Variants in SARNP observed in about 807,000 individuals in gnomAD.
SARNP encodes the protein SAP domain-containing ribonucleoprotein.
SARNP carries 5 observed loss-of-function variants against 38.1 expected under a neutral mutation model. The observed-to-expected ratio is 0.13, with a 90% confidence interval of 0.07 to 0.28. The LOEUF (loss-of-function observed/expected upper bound fraction) is 0.28. SARNP is among the 10% of genes least tolerant of loss of function. The pLI, the probability that SARNP is intolerant of heterozygous loss-of-function variation, is 1.00. For synonymous variants in SARNP, 84 were observed against 80.6 expected (o/e 1.04, Z -0.23); for missense variants, 180 against 243.9 (o/e 0.74, Z 1.75).
chr12:55,805,959 C>A (rs966539775), intron 1 of SARNP, among the ~76,000 whole-genome samples: 1 of 151,932 alleles, frequency 6.6e-6, no homozygotes, highest in African/African-American at 2.4e-5. Flanking sequence ...ACAGCTTGAA[C>A]CTGGGACGCA....
intron 9 of SARNP, among the ~76,000 whole-genome samples, chr12:55,766,616 C>CGGGGGG (rs58583137): frequency 1.8e-4 from 7 of 38,106 alleles, no homozygotes; most frequent in Admixed American, 4.7e-4. Flanking sequence ...GTTTTTTTGG[C>CGGGGGG]GGGGGGGGGG....
intron 2 of SARNP, 82 bp downstream of exon 2, chr12:55,803,547 G>GAA (rs548860817): frequency 2.2e-3 from 1,467 of 664,258 alleles, no homozygotes; most frequent in Non-Finnish European, 2.7e-3. Context: ...CTAATGACCT[G>GAA]AAAAAAAAAA....
chr12:55,780,119 G>C (rs1879297557), intron 9 of SARNP, among the ~76,000 whole-genome samples: 1 of 152,170 alleles, frequency 6.6e-6, no homozygotes, highest in South Asian at 2.1e-4. Context: ...CTGCACTTCA[G>C]CCTGGGCGAC....
At chr12:55,764,832 CAA>C (rs1162009254) in intron 9 of SARNP, among the ~76,000 whole-genome samples, 3,350 of 62,014 alleles carry the variant, frequency 0.054, 52 homozygotes, top group African/African-American at 0.14. Flanking sequence ...CTCTGTCTCA[CAA>C]AAAAAAAAAA....
At chr12:55,794,224 G>A (rs1879754824) in intron 7 of SARNP, 135 bp downstream of exon 7, 2 of 784,800 alleles carry the variant, frequency 2.5e-6, no homozygotes, top group African/African-American at 3.5e-5. Flanking sequence ...ACCTAAAGCA[G>A]GAGATGAATG....
intron 2 of SARNP, 80 bp from the exon 3 acceptor site, chr12:55,800,980 C>G: frequency 8.3e-7 from 1 of 1,211,776 alleles, no homozygotes; most frequent in Non-Finnish European, 1.2e-6. Context: ...ATTATAATCA[C>G]TTTGCTTTCC....
chr12:55,764,832 CAAA>C (rs1162009254), intron 9 of SARNP, among the ~76,000 whole-genome samples: 15 of 62,018 alleles, frequency 2.4e-4, no homozygotes, highest in African/African-American at 5.5e-4. Context: ...CTCTGTCTCA[CAAA>C]AAAAAAAAAA....
intron 7 of SARNP, among the ~76,000 whole-genome samples, chr12:55,790,908 A>T (rs1420003596): frequency 6.6e-6 from 1 of 152,280 alleles, no homozygotes; most frequent in South Asian, 2.1e-4. Context: ...AAATGTTCAC[A>T]GCAGCATTAT....
chr12:55,768,125 CTTAT>C (rs746174248), intron 9 of SARNP, among the ~76,000 whole-genome samples: 7 of 151,624 alleles, frequency 4.6e-5, no homozygotes, highest in Admixed American at 1.3e-4. Context: ...CTCTCTCTCT[CTTAT>C]TTATTTATTT....
intron 2 of SARNP, 38 bp downstream of exon 2, chr12:55,803,589 TCC>T (rs1880049598): frequency 8.3e-7 from 1 of 1,200,658 alleles, no homozygotes; most frequent in Non-Finnish European, 1.2e-6. Context: ...AGCCTGAAAA[TCC>T]CCTCACTCAC....
chr12:55,759,192 A>G (rs572424792), intron 10 of SARNP, among the ~76,000 whole-genome samples: 117 of 152,336 alleles, frequency 7.7e-4, no homozygotes, highest in Non-Finnish European at 1.4e-3. Flanking sequence ...ACAAAGTGAC[A>G]AGAACAGGAA....
At chr12:55,777,148 C>G (rs1879204931) in intron 9 of SARNP, among the ~76,000 whole-genome samples, 1 of 152,074 alleles carries the variant, frequency 6.6e-6, no homozygotes, top group South Asian at 2.1e-4. Flanking sequence ...ACCTGAAGTT[C>G]TTCAGGTGCA....
At chr12:55,803,752 T>C (rs1238578438) in intron 1 of SARNP, 24 bp from the exon 2 acceptor site, 2 of 1,553,394 alleles carry the variant, frequency 1.3e-6, no homozygotes, top group South Asian at 1.1e-5. Flanking sequence ...AATAAAACTT[T>C]TCCTTAGTTA....
At chr12:55,773,855 G>C (rs1439827445) in intron 9 of SARNP, among the ~76,000 whole-genome samples, 1 of 152,018 alleles carries the variant, frequency 6.6e-6, no homozygotes, top group Non-Finnish European at 1.5e-5. Context: ...GGGAATACAG[G>C]TGCCCACCAC....
chr12:55,810,768 T>C (rs2136207698), intron 1 of SARNP, among the ~76,000 whole-genome samples: 1 of 151,118 alleles, frequency 6.6e-6, no homozygotes, highest in South Asian at 2.1e-4. Flanking sequence ...TTGATTAAAA[T>C]ATTTTATCAG....
intron 2 of SARNP, among the ~76,000 whole-genome samples, chr12:55,802,356 T>C (rs1190177419): frequency 2.0e-5 from 3 of 151,984 alleles, no homozygotes; most frequent in Non-Finnish European, 2.9e-5. Flanking sequence ...ACTATTAGTA[T>C]ATAGGATATA....
Position 55,817,654 on chromosome 12 carries a change from G to A in SARNP, c.36+12C>T. ...GAAAAGTCCAACTCAGCCCTTCCCCGATTCACGGTACCTTTAGCTTATGGA... is the reference window on the plus strand; with the variant it reads ...GAAAAGTCCAACTCAGCCCTTCCCCAATTCACGGTACCTTTAGCTTATGGA... On this transcript the variant is annotated intron_variant, in intron 1 of 10. Transcript: ENST00000336133. The A allele has an allele frequency of 6.2e-7, 1 of 1,610,764 alleles. No individual in the cohort carries two copies. The highest frequency in any genetic ancestry group is 1.1e-5 in the South Asian group (1 of 90,590).
chr12:55,810,330 C>A (rs928574437), intron 1 of SARNP, among the ~76,000 whole-genome samples: 72 of 152,064 alleles, frequency 4.7e-4, no homozygotes, highest in African/African-American at 1.5e-3. Context: ...CCAGGCTGTT[C>A]TTAAACTCCT....
chr12:55,807,619 G>C (rs958694037), intron 1 of SARNP, among the ~76,000 whole-genome samples: 4 of 150,320 alleles, frequency 2.7e-5, no homozygotes, highest in Non-Finnish European at 5.9e-5. Context: ...TGGCTAGCAC[G>C]GTGAAACCCC....
Sources: gnomAD v4.1 joint callset for allele counts (sites outside exome capture counted in the v4.1 genomes callset) on GRCh38, gnomAD v4.1.1 for gene constraint, MANE v1.5 for transcripts, NCBI Gene and HGNC (gene_info 2026-07-23, HGNC 2026-07-21) for gene names.